Variants in ENTREP2 observed in about 807,000 individuals in gnomAD.
ENTREP2 encodes endosomal transmembrane epsin interactor 2.
chr15:29,313,303 A>G, the ENTREP2 span, among the ~76,000 whole-genome samples: 2 of 152,230 alleles, frequency 1.3e-5, no homozygotes, highest in African/African-American at 4.8e-5. Flanking sequence ...TGTAGACAAA[A>G]CAGCCTTATA....
At chr15:29,192,725 A>G in the ENTREP2 span, among the ~76,000 whole-genome samples, 1 of 152,222 alleles carries the variant, frequency 6.6e-6, no homozygotes, top group East Asian at 1.9e-4. Flanking sequence ...AATGCCTTTG[A>G]TAGACAGGGT....
the ENTREP2 span, among the ~76,000 whole-genome samples, chr15:29,657,478 G>GGGGTC: frequency 5.4e-5 from 6 of 110,738 alleles, no homozygotes; most frequent in African/African-American, 2.2e-4. Context: ...TGTCGGCTGG[G>GGGGTC]GGGGCGGGGG....
chr15:29,656,282 G>A, the ENTREP2 span, among the ~76,000 whole-genome samples: 2 of 151,616 alleles, frequency 1.3e-5, no homozygotes, highest in African/African-American at 2.4e-5. Context: ...CTGGAGTGCA[G>A]TAGCACGATT....
chr15:29,219,614 A>AATATATAAATATAT, the ENTREP2 span, among the ~76,000 whole-genome samples: 7 of 38,404 alleles, frequency 1.8e-4, 1 homozygote, highest in Non-Finnish European at 2.6e-4. Context: ...GTGGTGCATA[A>AATATATAAATATAT]ATATATATAT....
the ENTREP2 span, among the ~76,000 whole-genome samples, chr15:29,311,377 C>T: frequency 6.6e-6 from 1 of 152,110 alleles, no homozygotes; most frequent in Non-Finnish European, 1.5e-5. Context: ...GAGAGACATG[C>T]ATTGTTTTTT....
At chr15:29,415,960 A>G in the ENTREP2 span, among the ~76,000 whole-genome samples, 1 of 152,238 alleles carries the variant, frequency 6.6e-6, no homozygotes, top group Non-Finnish European at 1.5e-5. Context: ...GACCTCTTCA[A>G]GGACAACTAC....
chr15:29,563,270 T>C, the ENTREP2 span, among the ~76,000 whole-genome samples: 1 of 152,246 alleles, frequency 6.6e-6, no homozygotes, highest in Non-Finnish European at 1.5e-5. Flanking sequence ...TTTCTGTCCC[T>C]GGACACTAAT....
the ENTREP2 span, among the ~76,000 whole-genome samples, chr15:29,201,920 A>G: frequency 2.6e-5 from 4 of 152,322 alleles, no homozygotes; most frequent in South Asian, 8.3e-4. Context: ...TGTTTTTGGA[A>G]GTTTTAGAAT....
At chr15:29,479,039 C>CAAAAAAAA in the ENTREP2 span, among the ~76,000 whole-genome samples, 1 of 102,160 alleles carries the variant, frequency 9.8e-6, no homozygotes, top group African/African-American at 3.8e-5. Context: ...CTAAAAAATA[C>CAAAAAAAA]AAAAAAAAAA....
At chr15:29,151,818 G>C in the ENTREP2 span, 2 of 1,551,484 alleles carry the variant, frequency 1.3e-6, no homozygotes, top group Non-Finnish European at 1.7e-6. Flanking sequence ...GGACGTTGAG[G>C]GCACACACGC....
chr15:29,479,983 T>C, the ENTREP2 span, among the ~76,000 whole-genome samples: 4 of 152,254 alleles, frequency 2.6e-5, no homozygotes, highest in South Asian at 4.2e-4. Flanking sequence ...CATCAACAGA[T>C]ATATCCCCTA....
the ENTREP2 span, among the ~76,000 whole-genome samples, chr15:29,324,910 G>A: frequency 1.3e-5 from 2 of 152,088 alleles, no homozygotes; most frequent in Non-Finnish European, 2.9e-5. Context: ...AGCTCACAGG[G>A]AACATTCACC....
chr15:29,384,060 C>T, the ENTREP2 span, among the ~76,000 whole-genome samples: 1 of 152,126 alleles, frequency 6.6e-6, no homozygotes, highest in Admixed American at 6.5e-5. Context: ...TTCCAAATGC[C>T]CCTGAAACCT....
the ENTREP2 span, among the ~76,000 whole-genome samples, chr15:29,644,192 A>G: frequency 1.3e-5 from 2 of 152,204 alleles, no homozygotes; most frequent in Non-Finnish European, 2.9e-5. Flanking sequence ...CCAAAAGACC[A>G]TATGTTCTAT....
the ENTREP2 span, chr15:29,613,491 G>A: frequency 2.0e-5 from 8 of 391,120 alleles, 1 homozygote; most frequent in South Asian, 1.7e-4. Context: ...CAAGATCCGA[G>A]AAGAGGATCC....
At chr15:29,411,937 T>G in the ENTREP2 span, among the ~76,000 whole-genome samples, 1 of 152,206 alleles carries the variant, frequency 6.6e-6, no homozygotes, top group Non-Finnish European at 1.5e-5. Context: ...TTTTGCTGAT[T>G]GCATTGTCTT....
At chr15:29,657,096 A>G in the ENTREP2 span, among the ~76,000 whole-genome samples, 1 of 152,040 alleles carries the variant, frequency 6.6e-6, no homozygotes, top group Non-Finnish European at 1.5e-5. Context: ...TCCTCACGCC[A>G]GAGGGCAGTG....
the ENTREP2 span, among the ~76,000 whole-genome samples, chr15:29,360,907 A>AGGAGTGCT: frequency 6.6e-6 from 1 of 152,240 alleles, no homozygotes; most frequent in Non-Finnish European, 1.5e-5. Flanking sequence ...TCCTGAAGCC[A>AGGAGTGCT]GGAGTGCTGG....
At chr15:29,360,508 TACAA>T in the ENTREP2 span, among the ~76,000 whole-genome samples, 1 of 152,232 alleles carries the variant, frequency 6.6e-6, no homozygotes, top group South Asian at 2.1e-4. Context: ...TTGATATCTG[TACAA>T]ACAAGATTAT....
Sources: gnomAD v4.1 joint callset for allele counts (sites outside exome capture counted in the v4.1 genomes callset) on GRCh38, gnomAD v4.1.1 for gene constraint, MANE v1.5 for transcripts, NCBI Gene and HGNC (gene_info 2026-07-23, HGNC 2026-07-21) for gene names.